Variants in DDX60L observed in about 807,000 individuals in gnomAD.
DDX60L encodes the protein probable ATP-dependent RNA helicase DDX60-like.
In DDX60L, 191 loss-of-function variants were observed where a neutral mutation model predicts 211.6. The observed-to-expected ratio is 0.90, with a 90% CI of 0.80 to 1.02. The LOEUF (loss-of-function observed/expected upper bound fraction) is 1.02, where lower values mean the gene tolerates loss of function less well. Among genes scored for constraint, DDX60L ranks in the 50% least tolerant of loss-of-function variants. The probability of loss-of-function intolerance (pLI) is 0.00; values close to 1 mark genes in which losing one functional copy is unlikely to be tolerated. For synonymous variants in DDX60L, 706 were observed against 694.1 expected (o/e 1.02, Z -0.27); for missense variants, 2,007 against 1,984.1 (o/e 1.01, Z -0.22).
chr4:168,400,862 T>C lies in DDX60L; in HGVS notation c.3455A>G (p.Glu1152Gly), dbSNP rs1746670765. 1 of 1,613,274 alleles carries C rather than the reference T, an allele frequency of 6.2e-7. No individual in the cohort carries two copies. Among genetic ancestry groups the C allele is most frequent in the African/African-American group, 1.3e-5 (1 of 75,026 alleles). Residue 1152 changes from glutamate to glycine, a missense_variant, in exon 26 of 38, where the codon GAA becomes GGA. Physicochemically the swap from Glu to Gly is moderately conservative, Grantham distance 98. Transcript: ENST00000682922. ...TGTCTTCCTCACTTTTTCAAGTACT[T>C]CATCTATTGCAAAGACATAACTATG... ...ECHSYVFAID[E>G]VLEKVRKTQK...
In DDX60L at chr4:168,399,081, T is replaced by C. The variant is rs192620405; in HGVS notation, c.3491+1745A>G. ...GCTGTTCCATTTCTCAATAAAGCTC[T>C]TCTTCACCTTGCTTACCCTCCACTT... On this transcript the variant is annotated intron_variant, in intron 26 of 37. Transcript: ENST00000682922. Among the ~76,000 whole-genome samples, 14 of 152,372 alleles carry C rather than the reference T, an allele frequency of 9.2e-5. No homozygotes were observed. In the East Asian group the frequency reaches 2.5e-3, roughly 27 times the overall value.
chr4:168,383,686 G>A (rs535154210), intron 30 of DDX60L, among the ~76,000 whole-genome samples: 3 of 152,184 alleles, frequency 2.0e-5, no homozygotes, highest in Admixed American at 2.0e-4. Context: ...GTCACACCCT[G>A]TCACACTCCA....
At position 168,357,597 on chromosome 4, in the gene DDX60L, A is replaced by G. The variant is rs983836456; in HGVS notation, c.*550T>C. ...CCACCCTCATGACCTATCATCTCCT[A>G]ATACCATCACATTGAGGGTTAGAAT... On this transcript the variant is annotated 3_prime_UTR_variant, in exon 38 of 38. Transcript: ENST00000682922. 2.6e-5 allele frequency: 4 copies of G among 154,144 alleles called. No individual in the cohort carries two copies. Among genetic ancestry groups the G allele is most frequent in the African/African-American group, 9.7e-5 (4 of 41,426 alleles). 9.5% of individuals were successfully genotyped at this position (154,144 alleles called of 1,614,324 possible). A position where few individuals can be genotyped will look rare whatever the true frequency, so the allele number is the denominator to read the frequency against.
intron 34 of DDX60L, among the ~76,000 whole-genome samples, chr4:168,374,990 C>T (rs1274737809): frequency 6.6e-6 from 1 of 152,198 alleles, no homozygotes; most frequent in African/African-American, 2.4e-5. Flanking sequence ...ACATTTGTAA[C>T]CACTATGCAA....
chr4:168,446,137 T>C (rs1754757458), intron 9 of DDX60L, among the ~76,000 whole-genome samples: 2 of 150,968 alleles, frequency 1.3e-5, no homozygotes, highest in Non-Finnish European at 3.0e-5. Flanking sequence ...AACCCCATTG[T>C]CTCAGCCCAA....
intron 14 of DDX60L, 146 bp from the exon 15 acceptor site, chr4:168,423,920 A>G (rs1751057355): frequency 3.9e-6 from 2 of 509,618 alleles, no homozygotes; most frequent in Non-Finnish European, 6.7e-6. Context: ...TAGAGCATTA[A>G]AAACTAAAAC....
intron 1 of DDX60L, among the ~76,000 whole-genome samples, chr4:168,478,843 T>G (rs2150178590): frequency 6.6e-6 from 1 of 152,316 alleles, no homozygotes; most frequent in South Asian, 2.1e-4. Flanking sequence ...TCAGGAGAAC[T>G]AAAACTGTGA....
chr4:168,446,010 G>C (rs1424094682), intron 9 of DDX60L, among the ~76,000 whole-genome samples: 10 of 147,452 alleles, frequency 6.8e-5, no homozygotes, highest in Admixed American at 1.4e-4. Context: ...ATTCAACATA[G>C]TGTTGGAAGT....
At position 168,432,567 on chromosome 4, in the gene DDX60L, A is replaced by G. The variant is rs1752516408; in HGVS notation, c.1404T>C (p.Asp468=). 2.6e-6 allele frequency: 4 copies of G among 1,547,090 alleles called. No individual in the cohort carries two copies. Among genetic ancestry groups the G allele is most frequent in the Middle Eastern group, 3.4e-4 (2 of 5,820 alleles). The change falls in exon 12 of 38, where the codon GAT becomes GAC. Residue 468 remains aspartate, a synonymous_variant. Transcript: ENST00000682922. ...TAAACAGTGAAGGAACAACCGGATC[A>G]TCACTGTAAAAATAAATACATAATT... ...MMKDLPILKS[D]DPVVPSLFKQ...
intron 15 of DDX60L, among the ~76,000 whole-genome samples, chr4:168,423,223 G>T (rs1337657277): frequency 6.6e-6 from 1 of 152,078 alleles, no homozygotes; most frequent in Non-Finnish European, 1.5e-5. Flanking sequence ...GTTAAAAAAA[G>T]TTCATCCTGG....
chr4:168,441,304 C>A (rs774078918), intron 10 of DDX60L, 33 bp downstream of exon 10: 1 of 1,546,346 alleles, frequency 6.5e-7, no homozygotes, highest in South Asian at 1.2e-5. Context: ...GACAAACATG[C>A]TTTTGTTCCA....
intron 30 of DDX60L, chr4:168,380,032 G>A (rs894348771): frequency 6.6e-6 from 3 of 453,286 alleles, no homozygotes; most frequent in African/African-American, 6.1e-5. Flanking sequence ...ATCATATAAA[G>A]CAGAACTGTT....
chr4:168,363,654 CTCTT>C (rs1739461671), intron 36 of DDX60L, among the ~76,000 whole-genome samples: 1 of 152,150 alleles, frequency 6.6e-6, no homozygotes, highest in Admixed American at 6.5e-5. Context: ...AACTACAAGA[CTCTT>C]TATGTTAGCA....
intron 30 of DDX60L, chr4:168,380,662 A>C (rs1415279529): frequency 6.6e-6 from 1 of 152,220 alleles, no homozygotes; most frequent in Non-Finnish European, 1.5e-5. Flanking sequence ...CAGGAAGTTG[A>C]TACTGAGGAG....
chr4:168,365,735 T>C (rs1409903506), intron 36 of DDX60L, among the ~76,000 whole-genome samples: 1 of 152,056 alleles, frequency 6.6e-6, no homozygotes, highest in Admixed American at 6.5e-5. Flanking sequence ...ACAAAAATTA[T>C]AGGCCAATAT....
Position 168,373,826 on chromosome 4 carries a change from G to T in DDX60L, c.4634-18C>A. On this transcript the variant is annotated intron_variant, in intron 34 of 37. Transcript: ENST00000682922. ...TGTGAATTCTGACCATTTTGGACTA[G>T]GTCACGTTAGGTTTTAAAAATCAGC... 6.2e-7 allele frequency: 1 copy of T among 1,607,512 alleles called. No homozygotes were observed. The highest frequency in any genetic ancestry group is 8.5e-7 in the Non-Finnish European group (1 of 1,176,520).
At position 168,457,908 on chromosome 4, in the gene DDX60L, T is replaced by C; in HGVS notation, c.707A>G (p.Asn236Ser). The C allele has an allele frequency of 3.2e-6, 5 of 1,543,010 alleles. No homozygotes were observed. Among genetic ancestry groups the C allele is most frequent in the Non-Finnish European group, 4.4e-6 (5 of 1,141,516 alleles). ...LATHFEHLKW[N>S]DMMEEAYQTL... ...TTTTAATACCTCTTCCATCATATCATTCCATTTCAAATGTTCAAAATGAGT... is the reference window on the plus strand; with the variant it reads ...TTTTAATACCTCTTCCATCATATCACTCCATTTCAAATGTTCAAAATGAGT... The change falls in exon 6 of 38, where the codon AAT (asparagine) becomes AGT (serine). Residue 236 changes from asparagine (N) to serine (S), a missense_variant. Coordinates refer to ENST00000682922, the MANE Select transcript of DDX60L (RefSeq NM_001012967.3).
At chr4:168,392,867 C>T (rs1253182899) in intron 28 of DDX60L, among the ~76,000 whole-genome samples, 1 of 150,654 alleles carries the variant, frequency 6.6e-6, no homozygotes, top group Non-Finnish European at 1.5e-5. Context: ...AAAAGTGTTC[C>T]GTGTAGCAAG....
At chr4:168,469,085 A>T (rs2150132142) in intron 4 of DDX60L, 1 of 152,354 alleles carries the variant, frequency 6.6e-6, no homozygotes, top group Non-Finnish European at 1.5e-5. Context: ...GCTGATTCTA[A>T]AATTCGTGTG....
Sources: gnomAD v4.1 joint callset for allele counts (sites outside exome capture counted in the v4.1 genomes callset) on GRCh38, gnomAD v4.1.1 for gene constraint, MANE v1.5 for transcripts, NCBI Gene and HGNC (gene_info 2026-07-23, HGNC 2026-07-21) for gene names.